LDAH: variants seen among roughly 807,000 people sequenced by gnomAD.
LDAH encodes lipid droplet-associated hydrolase.
Under a neutral mutation model 29.6 loss-of-function variants are expected in LDAH, and 26 were observed. That is an observed-to-expected ratio of 0.88 (90% CI 0.64 to 1.22). The LOEUF (loss-of-function observed/expected upper bound fraction) is 1.22. Ranked by LOEUF, LDAH falls within the 50% of genes most tolerant of loss-of-function variation. The pLI, the probability that LDAH is intolerant of heterozygous loss-of-function variation, is 0.00. For missense variants in LDAH, 344 were observed against 387.3 expected (o/e 0.89, Z 0.94); for synonymous variants, 117 against 133.0 (o/e 0.88, Z 0.83).
At chr2:20,737,215 A>G (rs1182929798) in intron 5 of LDAH, among the ~76,000 whole-genome samples, 1 of 152,174 alleles carries the variant, frequency 6.6e-6, no homozygotes, top group Non-Finnish European at 1.5e-5. Flanking sequence ...GTCCCTACAT[A>G]GCCTGCTTTC....
intron 2 of LDAH, among the ~76,000 whole-genome samples, chr2:20,798,798 C>CT (rs928377092): frequency 4.6e-5 from 7 of 151,886 alleles, no homozygotes; most frequent in African/African-American, 1.5e-4. Flanking sequence ...AGGAGAATTG[C>CT]TTGAACCCGG....
At chr2:20,714,936 C>A (rs577352780) in intron 5 of LDAH, among the ~76,000 whole-genome samples, 1 of 152,082 alleles carries the variant, frequency 6.6e-6, no homozygotes, top group Admixed American at 6.6e-5. Context: ...GATTCATAGC[C>A]GAATTCTACC....
chr2:20,736,428 T>C (rs1280382684), intron 5 of LDAH, among the ~76,000 whole-genome samples: 1 of 151,672 alleles, frequency 6.6e-6, no homozygotes, highest in African/African-American at 2.4e-5. Flanking sequence ...GGTGGCAGAG[T>C]GAGACTCTGT....
chr2:20,768,319 TG>T (rs534623867), intron 4 of LDAH, among the ~76,000 whole-genome samples: 1 of 152,164 alleles, frequency 6.6e-6, no homozygotes, highest in Non-Finnish European at 1.5e-5. Context: ...ACTCCCTCTT[TG>T]GGGCCTTGTG....
intron 5 of LDAH, among the ~76,000 whole-genome samples, chr2:20,731,393 C>G (rs1254737788): frequency 2.6e-5 from 4 of 152,210 alleles, no homozygotes; most frequent in Admixed American, 1.3e-4. Context: ...GACGCCTGCT[C>G]CCACTTTGCC....
chr2:20,692,209 A>G (rs1233442951), intron 6 of LDAH, among the ~76,000 whole-genome samples: 2 of 152,154 alleles, frequency 1.3e-5, no homozygotes, highest in African/African-American at 4.8e-5. Flanking sequence ...GAACAGACCT[A>G]TATAAACTGG....
At chr2:20,782,031 A>T (rs1462380239) in intron 3 of LDAH, among the ~76,000 whole-genome samples, 2 of 152,212 alleles carry the variant, frequency 1.3e-5, no homozygotes, top group African/African-American at 2.4e-5. Context: ...AAATTCAGAC[A>T]CATGACAGAT....
At chr2:20,768,507 C>G (rs572022207) in intron 4 of LDAH, among the ~76,000 whole-genome samples, 1 of 152,134 alleles carries the variant, frequency 6.6e-6, no homozygotes, top group African/African-American at 2.4e-5. Context: ...AGTGGCTGGA[C>G]CCCATACTCG....
chr2:20,701,499 T>TC, intron 6 of LDAH, 71 bp downstream of exon 6: 1 of 1,226,604 alleles, frequency 8.2e-7, no homozygotes, highest in Non-Finnish European at 1.2e-6. Flanking sequence ...TCTAACTAGT[T>TC]CTAGTCCTTT....
rs1572389238 is a variant in LDAH at position 20,685,453 on chromosome 2, A to T, written c.*1450T>A. 3 of 1,480,058 alleles carry T rather than the reference A, an allele frequency of 2.0e-6. No individual in the cohort carries two copies. The East Asian group carries it at 7.4e-5, about 37-fold the overall frequency. The allele number at this position is 1,480,058 out of a possible 1,614,324, so 91.7% of individuals were successfully genotyped here. On this transcript the variant is annotated 3_prime_UTR_variant, in exon 7 of 7. Coordinates refer to ENST00000237822, the MANE Select transcript of LDAH (RefSeq NM_021925.4). The stretch of plus-strand genomic sequence containing the variant: ...TAGCTCTTCCCCTTGGGCTAACAGC[A>T]CTCCTTGTCTGGAGCTTGGCTTTTC...
chr2:20,791,219 G>A (rs189224391), intron 2 of LDAH, among the ~76,000 whole-genome samples: 93 of 152,316 alleles, frequency 6.1e-4, no homozygotes, highest in African/African-American at 2.0e-3. Context: ...AAGTGGTTAA[G>A]AGCATAGACT....
At chr2:20,815,055 C>A (rs1672757522) in intron 1 of LDAH, among the ~76,000 whole-genome samples, 2 of 151,976 alleles carry the variant, frequency 1.3e-5, no homozygotes, top group South Asian at 4.2e-4. Context: ...CAAGAAATTC[C>A]ATGTATATTG....
chr2:20,774,722 C>T, intron 4 of LDAH, 88 bp downstream of exon 4: 1 of 1,325,158 alleles, frequency 7.5e-7, no homozygotes, highest in Non-Finnish European at 1.1e-6. Context: ...ATCAACTGAA[C>T]AAGAGACAAA....
intron 1 of LDAH, among the ~76,000 whole-genome samples, chr2:20,805,633 G>A (rs1005189917): frequency 3.9e-5 from 6 of 152,048 alleles, no homozygotes; most frequent in East Asian, 1.9e-4. Flanking sequence ...AAAACCAAGC[G>A]TGCATACAAT....
chr2:20,782,527 T>G (rs560097898), intron 3 of LDAH, among the ~76,000 whole-genome samples: 64 of 152,332 alleles, frequency 4.2e-4, no homozygotes, highest in Middle Eastern at 3.4e-3. Flanking sequence ...TGGTTTAATT[T>G]CTTTAACAGA....
intron 1 of LDAH, among the ~76,000 whole-genome samples, chr2:20,822,567 G>A (rs2125189285): frequency 6.6e-6 from 1 of 152,288 alleles, no homozygotes; most frequent in East Asian, 1.9e-4. Flanking sequence ...CTTGCGTGGG[G>A]AACAAAACCA....
At chr2:20,739,061 T>C (rs569544886) in intron 5 of LDAH, among the ~76,000 whole-genome samples, 1 of 152,366 alleles carries the variant, frequency 6.6e-6, no homozygotes, top group African/African-American at 2.4e-5. Context: ...ATACTAGTTG[T>C]ATAACTTTGG....
chr2:20,712,610 A>G (rs938751262), intron 5 of LDAH, among the ~76,000 whole-genome samples: 1 of 152,216 alleles, frequency 6.6e-6, no homozygotes, highest in Non-Finnish European at 1.5e-5. Flanking sequence ...AGGATGTTCA[A>G]ACCCATCACA....
At chr2:20,759,863 T>C (rs749718626) in intron 4 of LDAH, among the ~76,000 whole-genome samples, 23 of 152,138 alleles carry the variant, frequency 1.5e-4, no homozygotes, top group Admixed American at 3.9e-4. Flanking sequence ...AATTCACAAA[T>C]GTATCACCTC....
Sources: allele counts gnomAD v4.1 joint callset (sites outside exome capture counted in the v4.1 genomes callset), GRCh38; gene constraint gnomAD v4.1.1; transcripts MANE v1.5; gene names NCBI Gene and HGNC (gene_info 2026-07-23, HGNC 2026-07-21).